DIP2B: variants seen among roughly 807,000 people sequenced by gnomAD.
The protein encoded by DIP2B is disco-interacting protein 2 homolog B.
Under a neutral mutation model 198.0 loss-of-function variants are expected in DIP2B, and 76 were observed. The observed-to-expected ratio is 0.38, with a 90% confidence interval of 0.32 to 0.46. The LOEUF (loss-of-function observed/expected upper bound fraction) is 0.46. Among genes scored for constraint, DIP2B ranks in the 20% least tolerant of loss-of-function variants. The pLI, the probability that DIP2B is intolerant of heterozygous loss-of-function variation, is 0.99. For synonymous variants in DIP2B, 701 were observed against 739.1 expected (o/e 0.95, Z 0.84); for missense variants, 1,559 against 1,978.4 (o/e 0.79, Z 4.02).
chr12:50,747,772 C>T lies in DIP2B; in HGVS notation c.*2933C>T, dbSNP rs1940359802. The stretch of plus-strand genomic sequence containing the variant: ...AGTCTCTGTCTCAGTTAAGAGAAAT[C>T]TATTGGTCTGAAGGTTTCTGAACCT... On this transcript the variant is annotated 3_prime_UTR_variant, in exon 38 of 38. Transcript: ENST00000301180. 6.6e-6 allele frequency: 1 copy of T among 152,164 alleles called. No homozygotes were observed. The highest frequency in any genetic ancestry group is 6.5e-5 in the Admixed American group (1 of 15,278). 9.4% of individuals were successfully genotyped at this position (152,164 alleles called of 1,614,324 possible). A position where few individuals can be genotyped will look rare whatever the true frequency, so the allele number is the denominator to read the frequency against.
At chr12:50,549,073 G>A (rs568879467) in intron 1 of DIP2B, among the ~76,000 whole-genome samples, 6 of 152,082 alleles carry the variant, frequency 3.9e-5, no homozygotes, top group Admixed American at 3.3e-4. Context: ...AAACTATTCC[G>A]GAGTAGTGAA....
intron 7 of DIP2B, among the ~76,000 whole-genome samples, chr12:50,677,342 C>T (rs971049136): frequency 6.6e-6 from 1 of 152,120 alleles, no homozygotes; most frequent in African/African-American, 2.4e-5. Context: ...TAGCATTTGG[C>T]CGGGCGCGGT....
chr12:50,659,882 ATGTTAGAC>A (rs1298748288), intron 3 of DIP2B, among the ~76,000 whole-genome samples: 3 of 152,120 alleles, frequency 2.0e-5, no homozygotes, highest in African/African-American at 7.2e-5. Flanking sequence ...GCACAGATGC[ATGTTAGAC>A]TCAGTATTCT....
At chr12:50,535,626 C>T (rs957992779) in intron 1 of DIP2B, among the ~76,000 whole-genome samples, 6 of 151,944 alleles carry the variant, frequency 3.9e-5, no homozygotes, top group Non-Finnish European at 5.9e-5. Context: ...CTGCCTCGGT[C>T]TCCCAAAGTG....
In DIP2B at chr12:50,685,973, C is replaced by G; in HGVS notation, c.1441+17C>G. 6.2e-7 allele frequency: 1 copy of G among 1,603,884 alleles called. No homozygotes were observed. Among genetic ancestry groups the G allele is most frequent in the Non-Finnish European group, 8.5e-7 (1 of 1,175,564 alleles). Reference sequence around the variant, plus strand: ...AGTTTAAAGGTTAGTAACATTGTACCTGAATTATCAGTTAAAAGTTAAAAC... The same window carrying G: ...AGTTTAAAGGTTAGTAACATTGTACGTGAATTATCAGTTAAAAGTTAAAAC... On this transcript the variant is annotated intron_variant, in intron 11 of 37. Coordinates refer to ENST00000301180, the MANE Select transcript of DIP2B (RefSeq NM_173602.3).
intron 2 of DIP2B, among the ~76,000 whole-genome samples, chr12:50,627,310 A>G (rs1390640516): frequency 6.6e-6 from 1 of 152,196 alleles, no homozygotes; most frequent in African/African-American, 2.4e-5. Context: ...AATCATGTTC[A>G]AAAATCAATT....
At chr12:50,553,637 AT>A (rs2139389161) in intron 1 of DIP2B, among the ~76,000 whole-genome samples, 1 of 152,140 alleles carries the variant, frequency 6.6e-6, no homozygotes, top group African/African-American at 2.4e-5. Context: ...CTTTTGGTTC[AT>A]TTGTGTTTTT....
intron 18 of DIP2B, 24 bp downstream of exon 18, chr12:50,698,491 G>A (rs746192501): frequency 8.8e-6 from 14 of 1,593,202 alleles, no homozygotes; most frequent in Non-Finnish European, 1.2e-5. Context: ...AGCATCATTT[G>A]GTTTTTCATA....
chr12:50,523,688 A>G (rs1958139401), intron 1 of DIP2B, among the ~76,000 whole-genome samples: 1 of 152,208 alleles, frequency 6.6e-6, no homozygotes. Context: ...TCAAAGCAGT[A>G]TGGTATTAGC....
At chr12:50,534,443 GT>G (rs1436691546) in intron 1 of DIP2B, among the ~76,000 whole-genome samples, 3 of 142,474 alleles carry the variant, frequency 2.1e-5, no homozygotes, top group Non-Finnish European at 4.5e-5. Context: ...CGCAATCTCG[GT>G]TCACTGCAAC....
chr12:50,685,368 G>A (rs571861856), intron 10 of DIP2B, among the ~76,000 whole-genome samples: 1 of 152,212 alleles, frequency 6.6e-6, no homozygotes, highest in South Asian at 2.1e-4. Flanking sequence ...AAAAATAAAA[G>A]GATTATACAG....
At chr12:50,612,010 A>G (rs1317568610) in intron 1 of DIP2B, among the ~76,000 whole-genome samples, 1 of 127,798 alleles carries the variant, frequency 7.8e-6, no homozygotes, top group Non-Finnish European at 1.5e-5. Context: ...TCTAAAAAAG[A>G]AAAAAAAAAA....
At chr12:50,612,143 G>A (rs533862732) in intron 1 of DIP2B, among the ~76,000 whole-genome samples, 16 of 152,280 alleles carry the variant, frequency 1.1e-4, no homozygotes, top group African/African-American at 2.9e-4. Context: ...TGCCCCTGTA[G>A]TCCCAGCTCC....
rs746457202 is a variant in DIP2B at position 50,728,598 on chromosome 12, T to C, written c.3561T>C (p.Cys1187=). 3 of 1,614,188 alleles carry C rather than the reference T, an allele frequency of 1.9e-6. No homozygotes were observed. In the South Asian group the frequency reaches 3.3e-5, roughly 18 times the overall value. The change falls in exon 30 of 38, where the codon TGT becomes TGC. Residue 1187 remains cysteine (C), a synonymous_variant. Coordinates refer to ENST00000301180, the MANE Select transcript of DIP2B (RefSeq NM_173602.3). The part of the protein sequence containing the change: ...NALCRAIKLQ[C]ELYSSRQIAI... ...TGTGTCGAGCCATCAAGCTCCAGTG[T>C]GAGTTGTACTCTTCTCGGCAGATCG...
Position 50,627,646 on chromosome 12 carries a change from A to G in DIP2B, c.172+1599A>G, listed in dbSNP as rs542159547. Among the ~76,000 whole-genome samples, 8 of 152,328 alleles carry G rather than the reference A, an allele frequency of 5.3e-5. No homozygotes were observed. In the East Asian group the frequency reaches 9.6e-4, roughly 18 times the overall value. On this transcript the variant is annotated intron_variant, in intron 2 of 37. Transcript: ENST00000301180. Reference sequence around the variant, plus strand: ...GCCTGGCCTACTATGAGAAATCTGTATGGTCAGCACATTCTTGCCCCATGG... The same window carrying G: ...GCCTGGCCTACTATGAGAAATCTGTGTGGTCAGCACATTCTTGCCCCATGG...
chr12:50,695,223 ATGTATTT>A, intron 14 of DIP2B, 37 bp from the exon 15 acceptor site: 1 of 1,480,016 alleles, frequency 6.8e-7, no homozygotes, highest in African/African-American at 1.4e-5. Context: ...AATACTAAGT[ATGTATTT>A]TGTATTGATT....
chr12:50,533,737 T>C (rs190094138), intron 1 of DIP2B, among the ~76,000 whole-genome samples: 2 of 152,012 alleles, frequency 1.3e-5, no homozygotes, highest in East Asian at 3.9e-4. Context: ...GCCTCCCAAG[T>C]GGGCACCATG....
At chr12:50,699,918 G>C (rs1002477277) in intron 19 of DIP2B, among the ~76,000 whole-genome samples, 2 of 151,484 alleles carry the variant, frequency 1.3e-5, no homozygotes, top group Non-Finnish European at 2.9e-5. Context: ...AGGGTAAGAG[G>C]CCTCACAAAA....
intron 19 of DIP2B, 104 bp from the exon 20 acceptor site, chr12:50,704,036 C>A: frequency 2.2e-6 from 2 of 893,114 alleles, no homozygotes; most frequent in Non-Finnish European, 3.5e-6. Flanking sequence ...TTCACTATTA[C>A]ATTATTTTTT....
Sources: allele counts gnomAD v4.1 joint callset (sites outside exome capture counted in the v4.1 genomes callset), GRCh38; gene constraint gnomAD v4.1.1; transcripts MANE v1.5; gene names NCBI Gene and HGNC (gene_info 2026-07-23, HGNC 2026-07-21).